The following ELAPOR2 variants were observed in gnomAD, a reference collection of about 807,000 sequenced individuals.
ELAPOR2 encodes the protein endosome-lysosome associated apoptosis and autophagy regulator family member 2.
A neutral mutation model predicts 120.7 loss-of-function variants in ELAPOR2; 89 were observed. The ratio of observed to expected loss-of-function variants is 0.74; its 90% CI spans 0.62 to 0.88. The LOEUF is 0.88. Among genes scored for constraint, ELAPOR2 ranks in the 40% least tolerant of loss-of-function variants. ELAPOR2 has a pLI of 0.00. For synonymous variants in ELAPOR2, 444 were observed against 444.9 expected (o/e 1.00, Z 0.03); for missense variants, 1,134 against 1,251.6 (o/e 0.91, Z 1.42).
chr7:86,882,233 C>A (rs1159440097), intron 21 of ELAPOR2, among the ~76,000 whole-genome samples: 2 of 152,108 alleles, frequency 1.3e-5, no homozygotes, highest in Admixed American at 1.3e-4. Context: ...AGGACCATGA[C>A]TAGACTTTAG....
Position 86,880,130 on chromosome 7 carries a change from T to C in ELAPOR2, c.*341A>G, listed in dbSNP as rs1799327511. On this transcript the variant is annotated 3_prime_UTR_variant, in exon 22 of 22. Transcript: ENST00000450689. ...AATCACACTTGTTATGTAGACATCATAAAGAATAAAAGTTACCCATTAATT... is the reference window on the plus strand; with the variant it reads ...AATCACACTTGTTATGTAGACATCACAAAGAATAAAAGTTACCCATTAATT... The C allele has an allele frequency of 4.3e-6, 1 of 232,944 alleles. No homozygotes were observed. Among genetic ancestry groups the C allele is most frequent in the African/African-American group, 2.3e-5 (1 of 43,844 alleles). 14.4% of individuals were successfully genotyped at this position (232,944 alleles called of 1,614,324 possible).
intron 8 of ELAPOR2, among the ~76,000 whole-genome samples, chr7:86,934,405 G>C (rs951948293): frequency 6.6e-6 from 1 of 151,830 alleles, no homozygotes; most frequent in African/African-American, 2.4e-5. Flanking sequence ...AATTCAACCT[G>C]GTTTCCATGT....
At chr7:86,894,016 A>G (rs1788321711) in intron 19 of ELAPOR2, among the ~76,000 whole-genome samples, 1 of 152,110 alleles carries the variant, frequency 6.6e-6, no homozygotes, top group African/African-American at 2.4e-5. Flanking sequence ...TTTCTGGTAT[A>G]TGATGGTCAT....
At chr7:86,933,157 A>C (rs1790405851) in intron 8 of ELAPOR2, among the ~76,000 whole-genome samples, 1 of 149,330 alleles carries the variant, frequency 6.7e-6, no homozygotes, top group Non-Finnish European at 1.5e-5. Context: ...ACTATACTCC[A>C]AGTTGATATT....
Position 87,059,467 on chromosome 7 carries a change from C to T in ELAPOR2, c.47G>A (p.Arg16Gln), listed in dbSNP as rs1315529320. The change falls in exon 1 of 22, where the codon CGG (arginine) becomes CAG (glutamine). Residue 16 changes from arginine to glutamine, a missense_variant. This residue lies in a region of ELAPOR2 where 280 missense variants were observed against 331.5 expected (regional missense o/e 0.84). Transcript: ENST00000450689. ...CCCGCGGCGGGGAGCCTCCGCCGGC[C>T]GCCCCCAGCCCCTGCCCCGTACCGG... ...RGPVRGRGWG[R>Q]PAEAPRRGRS... The T allele has an allele frequency of 1.3e-5, 16 of 1,218,854 alleles. No homozygotes were observed. The East Asian group carries it at 4.3e-4, about 33-fold the overall frequency. 75.5% of individuals were successfully genotyped at this position (1,218,854 alleles called of 1,614,324 possible).
intron 1 of ELAPOR2, among the ~76,000 whole-genome samples, chr7:86,987,623 A>C (rs1337889921): frequency 6.6e-6 from 1 of 152,074 alleles, no homozygotes; most frequent in African/African-American, 2.4e-5. Context: ...TCATCAGAGA[A>C]ATGCAAATCA....
chr7:87,025,998 T>C (rs1431484904), intron 1 of ELAPOR2, among the ~76,000 whole-genome samples: 1 of 152,180 alleles, frequency 6.6e-6, no homozygotes, highest in African/African-American at 2.4e-5. Flanking sequence ...CTGTTGTATT[T>C]GCTTGAATAA....
At chr7:87,040,095 T>G (rs1238365906) in intron 1 of ELAPOR2, among the ~76,000 whole-genome samples, 3 of 152,182 alleles carry the variant, frequency 2.0e-5, no homozygotes, top group Non-Finnish European at 4.4e-5. Context: ...CAAGATTATA[T>G]CCCGCACCTG....
Position 86,943,301 on chromosome 7 carries a change from T to A in ELAPOR2, c.655-1197A>T, listed in dbSNP as rs368280073. 6.1e-3 allele frequency among the ~76,000 whole-genome samples: 912 copies of A among 149,192 alleles called. 12 individuals are homozygous for A. Among genetic ancestry groups the A allele is most frequent in the African/African-American group, 0.021 (865 of 40,906 alleles). On this transcript the variant is annotated intron_variant, in intron 4 of 21. Transcript: ENST00000450689. The stretch of plus-strand genomic sequence containing the variant: ...TCTAGGCTTCAGCTTCATCATCATT[T>A]AAAAAAAAAAATAGAAGGGCTGAAT...
chr7:86,891,611 C>G lies in ELAPOR2; in HGVS notation c.3030+113G>C, dbSNP rs549876944. On this transcript the variant is annotated intron_variant, in intron 21 of 21. Transcript: ENST00000450689. ...TAAGAGTATTTCTGTTGGATAAATACCCACTGAGATATAAACATGCAAAAT... is the reference window on the plus strand; with the variant it reads ...TAAGAGTATTTCTGTTGGATAAATAGCCACTGAGATATAAACATGCAAAAT... The G allele has an allele frequency of 6.1e-4, 467 of 768,078 alleles. 1 individual carries two copies. The highest frequency in any genetic ancestry group is 4.1e-3 in the Middle Eastern group (14 of 3,456). The allele number at this position is 768,078 out of a possible 1,614,324, so 47.6% of individuals were successfully genotyped here. A position where few individuals can be genotyped will look rare whatever the true frequency, so the allele number is the denominator to read the frequency against.
chr7:87,022,077 A>G (rs1794060595), intron 1 of ELAPOR2, among the ~76,000 whole-genome samples: 1 of 152,056 alleles, frequency 6.6e-6, no homozygotes, highest in Non-Finnish European at 1.5e-5. Context: ...AAATTTATTT[A>G]TTTATTTATT....
intron 1 of ELAPOR2, among the ~76,000 whole-genome samples, chr7:87,011,811 G>T (rs922573325): frequency 2.0e-5 from 3 of 151,856 alleles, no homozygotes; most frequent in Non-Finnish European, 4.4e-5. Flanking sequence ...AAAAGACAGG[G>T]TCTATATGTT....
At chr7:86,897,674 T>G (rs766546830) in intron 18 of ELAPOR2, 42 bp from the exon 19 acceptor site, 17 of 1,609,724 alleles carry the variant, frequency 1.1e-5, no homozygotes, top group Non-Finnish European at 1.4e-5. Flanking sequence ...AGTGGCAGCT[T>G]TTTAACCCAT....
chr7:86,911,896 CT>C (rs1010872562), intron 15 of ELAPOR2, 175 bp downstream of exon 15: 6 of 653,914 alleles, frequency 9.2e-6, no homozygotes, highest in African/African-American at 9.1e-5. Flanking sequence ...AAGGTTGCCC[CT>C]GGTGGAGAAA....
At chr7:86,907,618 G>A (rs186267125) in intron 18 of ELAPOR2, 52 bp downstream of exon 18, 2 of 1,063,224 alleles carry the variant, frequency 1.9e-6, no homozygotes, top group African/African-American at 1.7e-5. Context: ...GTAACATTCT[G>A]GAGAGTTTTT....
At position 86,893,545 on chromosome 7, in the gene ELAPOR2, T is replaced by C. The variant is rs114272901; in HGVS notation, c.2686-445A>G. ...AGAAATGGGTTGCATTCACCCATCATGTAAGCCCATTTTCCCAATAAGCCT... is the reference window on the plus strand; with the variant it reads ...AGAAATGGGTTGCATTCACCCATCACGTAAGCCCATTTTCCCAATAAGCCT... On this transcript the variant is annotated intron_variant, in intron 19 of 21. Transcript: ENST00000450689. Among the ~76,000 whole-genome samples, 837 of 152,106 alleles carry C rather than the reference T, an allele frequency of 5.5e-3. 8 individuals carry two copies. The highest frequency in any genetic ancestry group is 0.019 in the African/African-American group (778 of 41,506).
At chr7:87,035,501 T>C in intron 1 of ELAPOR2, among the ~76,000 whole-genome samples, 1 of 152,246 alleles carries the variant, frequency 6.6e-6, no homozygotes, top group African/African-American at 2.4e-5. Flanking sequence ...CCCTCAAGTC[T>C]ACTCTAAGCT....
intron 1 of ELAPOR2, among the ~76,000 whole-genome samples, chr7:86,992,422 T>C (rs1335045506): frequency 6.6e-6 from 1 of 152,080 alleles, no homozygotes; most frequent in African/African-American, 2.4e-5. Flanking sequence ...CAGAGCAAGA[T>C]TCTTGTCTCA....
intron 1 of ELAPOR2, among the ~76,000 whole-genome samples, chr7:87,007,963 A>G (rs1296554691): frequency 6.6e-6 from 1 of 152,234 alleles, no homozygotes; most frequent in African/African-American, 2.4e-5. Flanking sequence ...AACCCATTAA[A>G]GGGTTGCCAA....
Sources: allele counts gnomAD v4.1 joint callset (sites outside exome capture counted in the v4.1 genomes callset), GRCh38; gene constraint gnomAD v4.1.1; regional missense constraint gnomAD v4.1.1; transcripts MANE v1.5; gene names NCBI Gene and HGNC (gene_info 2026-07-23, HGNC 2026-07-21).